The following NKAIN2 variants were observed in gnomAD, a reference collection of about 807,000 sequenced individuals.
The protein encoded by NKAIN2 is sodium/potassium-transporting ATPase subunit beta-1-interacting protein 2.
Under a neutral mutation model 32.6 loss-of-function variants are expected in NKAIN2, and 14 were observed. That is an observed-to-expected ratio of 0.43 (90% confidence interval 0.28 to 0.67). The LOEUF is 0.67. Among genes scored for constraint, NKAIN2 ranks in the 30% least tolerant of loss-of-function variants. The pLI, the probability that NKAIN2 is intolerant of heterozygous loss-of-function variation, is 0.17. For synonymous variants in NKAIN2, 80 were observed against 87.2 expected (o/e 0.92, Z 0.46); for missense variants, 198 against 258.3 (o/e 0.77, Z 1.60).
At chr6:124,806,074 T>C (rs1218109398) in intron 5 of NKAIN2, among the ~76,000 whole-genome samples, 1 of 152,196 alleles carries the variant, frequency 6.6e-6, no homozygotes, top group Non-Finnish European at 1.5e-5. Context: ...TGCAGGATAT[T>C]ATCCAGGAGA....
At chr6:124,311,460 A>G (rs6926318) in intron 2 of NKAIN2, among the ~76,000 whole-genome samples, 27,123 of 151,980 alleles carry the variant, frequency 0.18, 4,260 homozygotes, top group African/African-American at 0.41. Flanking sequence ...CTTCTGGGCC[A>G]CCCTGAAAAT....
intron 1 of NKAIN2, among the ~76,000 whole-genome samples, chr6:124,059,972 C>A (rs1034272636): frequency 2.0e-5 from 3 of 152,122 alleles, no homozygotes; most frequent in African/African-American, 7.2e-5. Context: ...GTAGCTTATG[C>A]TGCATTGTTT....
At chr6:124,179,312 C>T (rs1789319114) in intron 1 of NKAIN2, among the ~76,000 whole-genome samples, 1 of 152,174 alleles carries the variant, frequency 6.6e-6, no homozygotes. Context: ...TCTCATTTAA[C>T]ACTAGACATG....
intron 1 of NKAIN2, among the ~76,000 whole-genome samples, chr6:123,817,432 G>T (rs1773739652): frequency 6.6e-6 from 1 of 152,118 alleles, no homozygotes; most frequent in Admixed American, 6.6e-5. Context: ...TAAAGAGCTG[G>T]AAAGAGCACT....
chr6:124,731,622 G>T (rs1043184399), intron 4 of NKAIN2, among the ~76,000 whole-genome samples: 9 of 150,698 alleles, frequency 6.0e-5, no homozygotes, highest in African/African-American at 2.2e-4. Flanking sequence ...TGACGAGTTA[G>T]TGGGTGCAGT....
intron 4 of NKAIN2, among the ~76,000 whole-genome samples, chr6:124,746,122 T>G (rs959347056): frequency 6.6e-6 from 1 of 151,910 alleles, no homozygotes; most frequent in Non-Finnish European, 1.5e-5. Flanking sequence ...CCCCTGCTTT[T>G]GATGACAGGT....
intron 1 of NKAIN2, among the ~76,000 whole-genome samples, chr6:124,148,413 C>T (rs529825301): frequency 1.3e-5 from 2 of 152,196 alleles, no homozygotes; most frequent in Admixed American, 1.3e-4. Flanking sequence ...TTATCTCCCC[C>T]CCGACCAACC....
intron 5 of NKAIN2, among the ~76,000 whole-genome samples, chr6:124,803,558 T>A (rs757481712): frequency 3.9e-5 from 6 of 152,198 alleles, no homozygotes; most frequent in Non-Finnish European, 8.8e-5. Flanking sequence ...TATGTAATTT[T>A]TTAAACATTT....
intron 1 of NKAIN2, among the ~76,000 whole-genome samples, chr6:123,806,422 T>C (rs1773215997): frequency 6.6e-6 from 1 of 152,074 alleles, no homozygotes; most frequent in Admixed American, 6.5e-5. Context: ...GGTGAAATGA[T>C]CACACCTCAA....
chr6:124,072,616 C>T (rs1156747694), intron 1 of NKAIN2, among the ~76,000 whole-genome samples: 1 of 152,148 alleles, frequency 6.6e-6, no homozygotes, highest in Non-Finnish European at 1.5e-5. Flanking sequence ...TATGCCAGAC[C>T]TCTAGGCCAC....
At chr6:124,235,747 C>T (rs1044789192) in intron 1 of NKAIN2, among the ~76,000 whole-genome samples, 1 of 151,560 alleles carries the variant, frequency 6.6e-6, no homozygotes, top group South Asian at 2.1e-4. Flanking sequence ...TACAGGCACC[C>T]GTGACCACTC....
intron 3 of NKAIN2, among the ~76,000 whole-genome samples, chr6:124,561,958 C>T (rs577796189): frequency 6.6e-6 from 1 of 152,156 alleles, no homozygotes; most frequent in Admixed American, 6.5e-5. Flanking sequence ...TCAATCTGGG[C>T]AGATCTCATA....
At chr6:124,535,722 A>C (rs1367835188) in intron 3 of NKAIN2, among the ~76,000 whole-genome samples, 2 of 152,182 alleles carry the variant, frequency 1.3e-5, no homozygotes, top group Non-Finnish European at 2.9e-5. Flanking sequence ...TTGCCATGTA[A>C]GTTTGATTCT....
chr6:124,748,913 A>C (rs1232948758), intron 4 of NKAIN2, among the ~76,000 whole-genome samples: 2 of 151,480 alleles, frequency 1.3e-5, no homozygotes, highest in Non-Finnish European at 2.9e-5. Flanking sequence ...ACAAGGAACC[A>C]TAAACTTAAT....
intron 1 of NKAIN2, among the ~76,000 whole-genome samples, chr6:124,260,769 G>T (rs1794212939): frequency 7.6e-6 from 1 of 131,018 alleles, no homozygotes; most frequent in Non-Finnish European, 1.5e-5. Context: ...ACAAGGGCAT[G>T]GAAAAGTCTC....
intron 1 of NKAIN2, among the ~76,000 whole-genome samples, chr6:123,834,130 C>A (rs1311476647): frequency 2.0e-5 from 3 of 151,928 alleles, no homozygotes; most frequent in African/African-American, 7.3e-5. Context: ...TGCAATAATT[C>A]CATATTAGTT....
At chr6:124,020,993 G>A (rs1444113332) in intron 1 of NKAIN2, among the ~76,000 whole-genome samples, 1 of 151,994 alleles carries the variant, frequency 6.6e-6, no homozygotes, top group Admixed American at 6.6e-5. Context: ...ACAAGACTAT[G>A]GAATATATAA....
chr6:124,645,046 A>G (rs1283052723), intron 3 of NKAIN2, among the ~76,000 whole-genome samples: 2 of 152,354 alleles, frequency 1.3e-5, no homozygotes, highest in Non-Finnish European at 2.9e-5. Context: ...TTGAAGATAT[A>G]CACTTACTTA....
At chr6:124,538,078 T>C (rs1307428165) in intron 3 of NKAIN2, among the ~76,000 whole-genome samples, 1 of 152,132 alleles carries the variant, frequency 6.6e-6, no homozygotes, top group East Asian at 1.9e-4. Context: ...TGGCTGTATT[T>C]TCACTAATTC....
Sources: allele counts gnomAD v4.1 joint callset (sites outside exome capture counted in the v4.1 genomes callset), GRCh38; gene constraint gnomAD v4.1.1; transcripts MANE v1.5; gene names NCBI Gene and HGNC (gene_info 2026-07-23, HGNC 2026-07-21).